Variants in SLC35D1 observed in about 807,000 individuals in gnomAD.
The protein encoded by SLC35D1 is nucleotide sugar transporter SLC35D1.
A neutral mutation model predicts 46.7 loss-of-function variants in SLC35D1; 31 were observed. The observed-to-expected ratio is 0.66, with a 90% confidence interval of 0.50 to 0.90. The LOEUF (loss-of-function observed/expected upper bound fraction) is 0.90, where lower values mean the gene tolerates loss of function less well. Ranked by LOEUF, SLC35D1 falls within the 40% of genes least tolerant of loss-of-function variation. The probability of loss-of-function intolerance (pLI) is 0.00; values close to 1 mark genes in which losing one functional copy is unlikely to be tolerated. For synonymous variants in SLC35D1, 195 were observed against 164.6 expected, an observed-to-expected ratio of 1.18 and a Z score of -1.41; for missense variants, 397 against 426.2, an observed-to-expected ratio of 0.93 and a Z score of 0.60.
intron 11 of SLC35D1, among the ~76,000 whole-genome samples, chr1:67,006,952 A>G (rs912593253): frequency 6.6e-6 from 1 of 152,186 alleles, no homozygotes; most frequent in African/African-American, 2.4e-5. Context: ...TACACTAGCT[A>G]TGTGACCCTG....
chr1:67,045,612 T>G (rs981375231), intron 7 of SLC35D1, among the ~76,000 whole-genome samples: 1 of 152,200 alleles, frequency 6.6e-6, no homozygotes, highest in African/African-American at 2.4e-5. Context: ...AGTGAGAAAC[T>G]GAAGGGCTCT....
chr1:67,008,492 C>G (rs749175088), intron 11 of SLC35D1: 3 of 1,283,436 alleles, frequency 2.3e-6, no homozygotes, highest in South Asian at 2.5e-5. Context: ...GTTCCTGAGA[C>G]AGGGGCCTTG....
At chr1:67,028,647 T>C (rs1202905878) in intron 8 of SLC35D1, among the ~76,000 whole-genome samples, 2 of 152,186 alleles carry the variant, frequency 1.3e-5, no homozygotes, top group African/African-American at 2.4e-5. Flanking sequence ...CTTGTGTGTG[T>C]GCCTTTAAAG....
chr1:67,025,391 TG>T (rs1667896760), intron 8 of SLC35D1, among the ~76,000 whole-genome samples: 1 of 152,210 alleles, frequency 6.6e-6, no homozygotes, highest in Admixed American at 6.5e-5. Context: ...ATTGCCCACA[TG>T]GTATATTTCT....
the SLC35D1 span, among the ~76,000 whole-genome samples, chr1:66,990,629 A>T: frequency 2.6e-5 from 4 of 152,182 alleles, no homozygotes; most frequent in African/African-American, 9.7e-5. Flanking sequence ...ATTGCAGCAG[A>T]TGGGAGTTGT....
At chr1:67,050,091 T>G (rs994536683) in intron 5 of SLC35D1, among the ~76,000 whole-genome samples, 3 of 152,224 alleles carry the variant, frequency 2.0e-5, no homozygotes, top group Non-Finnish European at 4.4e-5. Context: ...TGAATTTTTG[T>G]GAAGCAGAAT....
chr1:67,004,082 G>A lies in SLC35D1; in HGVS notation c.*258C>T, dbSNP rs1351242266. Reference sequence around the variant, plus strand: ...CTGATGTTTCACTGTCGGCATATAAGAAAAATAAATTAAAAAGCCCAGTAC... The same window carrying A: ...CTGATGTTTCACTGTCGGCATATAAAAAAAATAAATTAAAAAGCCCAGTAC... On this transcript the variant is annotated 3_prime_UTR_variant, in exon 12 of 12. Coordinates refer to ENST00000235345, the MANE Select transcript of SLC35D1 (RefSeq NM_015139.3). The A allele has an allele frequency of 2.5e-6, 1 of 402,876 alleles. No individual in the cohort carries two copies. Among genetic ancestry groups the A allele is most frequent in the Non-Finnish European group, 4.6e-6 (1 of 216,268 alleles). 25.0% of individuals were successfully genotyped at this position (402,876 alleles called of 1,614,324 possible). A position where few individuals can be genotyped will look rare whatever the true frequency, so the allele number is the denominator to read the frequency against.
intron 7 of SLC35D1, among the ~76,000 whole-genome samples, chr1:67,045,977 C>T (rs1645247191): frequency 6.6e-6 from 1 of 152,152 alleles, no homozygotes; most frequent in East Asian, 1.9e-4. Flanking sequence ...CTAACTGCTA[C>T]CTTTTCTCTA....
At chr1:66,992,172 G>C in the SLC35D1 span, among the ~76,000 whole-genome samples, 4 of 152,296 alleles carry the variant, frequency 2.6e-5, no homozygotes, top group South Asian at 4.1e-4. Flanking sequence ...TGAATTTCAG[G>C]TCAGATTTTG....
intron 10 of SLC35D1, among the ~76,000 whole-genome samples, chr1:67,012,330 T>C (rs1231756004): frequency 6.6e-6 from 1 of 152,120 alleles, no homozygotes; most frequent in African/African-American, 2.4e-5. Flanking sequence ...TCTTTCACTA[T>C]CTGAGCTTAT....
intron 10 of SLC35D1, among the ~76,000 whole-genome samples, chr1:67,018,765 T>C (rs911877592): frequency 1.3e-5 from 2 of 152,156 alleles, no homozygotes; most frequent in African/African-American, 4.8e-5. Flanking sequence ...AAGCCTCTTG[T>C]AGGAGGAATG....
chr1:66,973,243 A>C, the SLC35D1 span, among the ~76,000 whole-genome samples: 2 of 152,034 alleles, frequency 1.3e-5, no homozygotes, highest in Admixed American at 6.6e-5. Context: ...ATGTTAATCA[A>C]CTTCTAGTTG....
intron 8 of SLC35D1, among the ~76,000 whole-genome samples, chr1:67,040,247 A>G (rs1399674211): frequency 6.6e-6 from 1 of 151,550 alleles, no homozygotes; most frequent in African/African-American, 2.4e-5. Context: ...TCTGCTCACA[A>G]CTCCCCAAGG....
intron 11 of SLC35D1, among the ~76,000 whole-genome samples, chr1:67,004,974 G>A (rs541087379): frequency 2.0e-5 from 3 of 152,274 alleles, no homozygotes; most frequent in African/African-American, 7.2e-5. Context: ...CATCTGGGCC[G>A]TCAGCCTATG....
chr1:67,039,744 G>C (rs189444445), intron 8 of SLC35D1, among the ~76,000 whole-genome samples: 24 of 152,240 alleles, frequency 1.6e-4, no homozygotes, highest in Non-Finnish European at 5.9e-5. Context: ...TTATAGGGGA[G>C]TAGTGGGCTC....
chr1:66,992,876 T>C, the SLC35D1 span, among the ~76,000 whole-genome samples: 1 of 152,240 alleles, frequency 6.6e-6, no homozygotes, highest in Non-Finnish European at 1.5e-5. Flanking sequence ...ATTGCAAATA[T>C]TATCTACCAT....
chr1:66,977,935 A>G, the SLC35D1 span, among the ~76,000 whole-genome samples: 2 of 152,096 alleles, frequency 1.3e-5, no homozygotes, highest in Non-Finnish European at 2.9e-5. Flanking sequence ...GCGGTGGCTC[A>G]CTCCTGTAAT....
chr1:66,986,445 G>A, the SLC35D1 span: 1 of 1,612,204 alleles, frequency 6.2e-7, no homozygotes, highest in Non-Finnish European at 8.5e-7. Context: ...TCAGCCATCA[G>A]TTCAAGAGCC....
chr1:67,012,210 A>G (rs943172272), intron 10 of SLC35D1, among the ~76,000 whole-genome samples: 1 of 152,176 alleles, frequency 6.6e-6, no homozygotes, highest in African/African-American at 2.4e-5. Context: ...GTTAGTACTA[A>G]AAAAGTCCAG....
Sources: gnomAD v4.1 joint callset for allele counts (sites outside exome capture counted in the v4.1 genomes callset) on GRCh38, gnomAD v4.1.1 for gene constraint, MANE v1.5 for transcripts, NCBI Gene and HGNC (gene_info 2026-07-23, HGNC 2026-07-21) for gene names.